WDR70: variants seen among roughly 807,000 people sequenced by gnomAD.
WDR70 encodes WD repeat domain 70, also known as WD repeat-containing protein 70.
Under a neutral mutation model 88.6 loss-of-function variants are expected in WDR70, and 53 were observed. That is an observed-to-expected ratio of 0.60 (90% CI 0.48 to 0.75). The LOEUF is 0.75. Among genes scored for constraint, WDR70 ranks in the 30% least tolerant of loss-of-function variants. The pLI is 0.00. For missense variants in WDR70, 610 were observed against 823.2 expected (o/e 0.74, Z 3.17); for synonymous variants, 280 against 270.0 (o/e 1.04, Z -0.36).
chr5:37,671,812 G>C (rs1393680868), intron 10 of WDR70, among the ~76,000 whole-genome samples: 1 of 152,128 alleles, frequency 6.6e-6, no homozygotes, highest in Admixed American at 6.5e-5. Context: ...TCCAGAGGTG[G>C]CATATTTAGG....
intron 4 of WDR70, among the ~76,000 whole-genome samples, chr5:37,395,861 C>A (rs376171503): frequency 6.6e-6 from 1 of 152,094 alleles, no homozygotes; most frequent in Non-Finnish European, 1.5e-5. Context: ...AGTAGAGTGA[C>A]GCAGTCATGG....
chr5:37,726,903 A>G lies in WDR70; in HGVS notation c.1735A>G (p.Thr579Ala). The change falls in exon 17 of 18, where the codon ACC becomes GCC. Residue 579 changes from threonine (T) to alanine (A), a missense_variant. Coordinates refer to ENST00000265107, the MANE Select transcript of WDR70 (RefSeq NM_018034.4). ...AATAGGTCGTGGTGGCCGAGTTGGA[A>G]CCCACGGGGGCACTCTCTCTTCCTA... ...AGPGRGGRVG[T>A]HGGTLSSYIV... 6.3e-7 allele frequency: 1 copy of G among 1,587,734 alleles called. No individual in the cohort carries two copies. The highest frequency in any genetic ancestry group is 1.4e-5 in the African/African-American group (1 of 73,106).
intron 10 of WDR70, among the ~76,000 whole-genome samples, chr5:37,626,014 T>C (rs1402355301): frequency 6.6e-6 from 1 of 151,938 alleles, no homozygotes; most frequent in Non-Finnish European, 1.5e-5. Flanking sequence ...GTTTTTTTTT[T>C]TTTTTGTAGT....
intron 9 of WDR70, 92 bp from the exon 10 acceptor site, chr5:37,604,972 C>A: frequency 1.8e-6 from 2 of 1,129,170 alleles, no homozygotes; most frequent in Non-Finnish European, 2.4e-6. Flanking sequence ...GCCAAAATGG[C>A]GAAGCAGTCT....
chr5:37,748,477 G>T (rs573346781), intron 17 of WDR70, among the ~76,000 whole-genome samples: 1 of 152,270 alleles, frequency 6.6e-6, no homozygotes, highest in East Asian at 1.9e-4. Flanking sequence ...ATGGATTAAA[G>T]ACTTAAATGT....
At chr5:37,604,751 G>T (rs1743981544) in intron 9 of WDR70, among the ~76,000 whole-genome samples, 1 of 152,144 alleles carries the variant, frequency 6.6e-6, no homozygotes, top group Non-Finnish European at 1.5e-5. Flanking sequence ...GCTGATCAGG[G>T]GTAAAGTCAG....
chr5:37,534,656 C>T (rs1741605556), intron 9 of WDR70, among the ~76,000 whole-genome samples: 1 of 152,056 alleles, frequency 6.6e-6, no homozygotes. Context: ...CACCACCACA[C>T]CTGGCTAATT....
At chr5:37,506,816 G>A (rs1054956644) in intron 8 of WDR70, 39 of 1,329,524 alleles carry the variant, frequency 2.9e-5, no homozygotes, top group South Asian at 2.8e-4. Context: ...CCACCTTTCC[G>A]TTCTTGGGGG....
At chr5:37,675,658 C>T (rs1030623152) in intron 10 of WDR70, among the ~76,000 whole-genome samples, 1 of 152,132 alleles carries the variant, frequency 6.6e-6, no homozygotes, top group Non-Finnish European at 1.5e-5. Context: ...AGTTTGAAGT[C>T]AGGTAGCGTG....
chr5:37,696,674 C>T (rs952900317), intron 10 of WDR70, among the ~76,000 whole-genome samples: 2 of 86,218 alleles, frequency 2.3e-5, no homozygotes, highest in East Asian at 4.6e-4. Flanking sequence ...TACACACACA[C>T]GCGCGTGCAC....
At chr5:37,391,703 G>A (rs1006387070) in intron 3 of WDR70, among the ~76,000 whole-genome samples, 1 of 152,166 alleles carries the variant, frequency 6.6e-6, no homozygotes, top group African/African-American at 2.4e-5. Context: ...TTTAGCTGTT[G>A]TGAATGACGT....
intron 10 of WDR70, among the ~76,000 whole-genome samples, chr5:37,655,328 T>G (rs1408081582): frequency 6.6e-6 from 1 of 152,222 alleles, no homozygotes; most frequent in African/African-American, 2.4e-5. Context: ...CTGATGGGCT[T>G]CCTTCTGTGG....
At chr5:37,743,238 G>A (rs569092606) in intron 17 of WDR70, among the ~76,000 whole-genome samples, 1 of 152,350 alleles carries the variant, frequency 6.6e-6, no homozygotes, top group African/African-American at 2.4e-5. Context: ...GAGGCGGTGA[G>A]TGAACACGCT....
chr5:37,412,456 T>G (rs1749555287), intron 5 of WDR70, among the ~76,000 whole-genome samples: 1 of 152,292 alleles, frequency 6.6e-6, no homozygotes, highest in Non-Finnish European at 1.5e-5. Flanking sequence ...TCTAATTTTT[T>G]TTTTTTAGGG....
At chr5:37,697,850 C>G (rs1747029678) in intron 11 of WDR70, 96 bp downstream of exon 11, 2 of 1,053,782 alleles carry the variant, frequency 1.9e-6, no homozygotes, top group Admixed American at 2.4e-5. Flanking sequence ...GTAAAGCTTG[C>G]TTTGATTTTT....
At chr5:37,518,967 T>G (rs1054008534) in intron 9 of WDR70, among the ~76,000 whole-genome samples, 2 of 152,134 alleles carry the variant, frequency 1.3e-5, no homozygotes, top group African/African-American at 4.8e-5. Flanking sequence ...TAACCCTGAG[T>G]TGACACAGCA....
At chr5:37,432,542 C>T (rs1750339228) in intron 5 of WDR70, among the ~76,000 whole-genome samples, 1 of 150,972 alleles carries the variant, frequency 6.6e-6, no homozygotes, top group South Asian at 2.1e-4. Context: ...GCGTGTGCCA[C>T]CACGCCCGGC....
intron 9 of WDR70, among the ~76,000 whole-genome samples, chr5:37,586,073 C>G (rs1245005836): frequency 2.0e-5 from 3 of 152,186 alleles, no homozygotes; most frequent in Non-Finnish European, 2.9e-5. Context: ...TCAAATCTAC[C>G]TTACAACCCT....
intron 9 of WDR70, among the ~76,000 whole-genome samples, chr5:37,556,139 C>CTT (rs200323949): frequency 4.2e-5 from 6 of 143,892 alleles, no homozygotes; most frequent in African/African-American, 1.3e-4. Context: ...TTTTCTTCCT[C>CTT]TTTTTTTTTT....
Sources: gnomAD v4.1 joint callset for allele counts (sites outside exome capture counted in the v4.1 genomes callset) on GRCh38, gnomAD v4.1.1 for gene constraint, MANE v1.5 for transcripts, NCBI Gene and HGNC (gene_info 2026-07-23, HGNC 2026-07-21) for gene names.